The following EML4 variants were observed in gnomAD, a reference collection of about 807,000 sequenced individuals.
EML4 encodes echinoderm microtubule-associated protein-like 4.
In EML4, 72 loss-of-function variants were observed where a neutral mutation model predicts 129.0. That is an observed-to-expected ratio of 0.56 (90% CI 0.46 to 0.68). EML4 has a LOEUF of 0.68. Among genes scored for constraint, EML4 ranks in the 30% least tolerant of loss-of-function variants. The probability of loss-of-function intolerance (pLI) is 0.00; values close to 1 mark genes in which losing one functional copy is unlikely to be tolerated. For missense variants in EML4, 1,363 were observed against 1,190.6 expected, an observed-to-expected ratio of 1.14 and a Z score of -2.13; for synonymous variants, 532 against 405.0, an observed-to-expected ratio of 1.31 and a Z score of -3.77.
chr2:42,206,547 G>C (rs1027476221), intron 1 of EML4, among the ~76,000 whole-genome samples: 2 of 152,154 alleles, frequency 1.3e-5, no homozygotes, highest in African/African-American at 4.8e-5. Flanking sequence ...TTTATGTCTA[G>C]TCGTCTTGCC....
Position 42,295,484 on chromosome 2 carries a change from C to G in EML4, c.1457C>G (p.Thr486Ser), listed in dbSNP as rs1366906003. ...GGVMLIWSKT[T>S]VEPTPGKGPK... ...GTCATGCTTATATGGAGCAAAACTACTGTAGAGCCCACACCTGGGAAAGGA... is the reference window on the plus strand; with the variant it reads ...GTCATGCTTATATGGAGCAAAACTAGTGTAGAGCCCACACCTGGGAAAGGA... Residue 486 changes from threonine (T) to serine (S), a missense_variant, in exon 13 of 23, where the codon ACT becomes AGT. By Grantham distance (58) the Thr-to-Ser change is moderately conservative (BLOSUM62 1). Coordinates refer to ENST00000318522, the MANE Select transcript of EML4 (RefSeq NM_019063.5). The G allele has an allele frequency of 3.7e-6, 6 of 1,613,570 alleles. No individual in the cohort carries two copies. The highest frequency in any genetic ancestry group is 5.1e-6 in the Non-Finnish European group (6 of 1,179,860).
At chr2:42,216,644 G>C (rs1033122925) in intron 1 of EML4, among the ~76,000 whole-genome samples, 5 of 152,038 alleles carry the variant, frequency 3.3e-5, no homozygotes, top group Admixed American at 6.5e-5. Flanking sequence ...TATCTCTACA[G>C]TTGTTGCTAG....
chr2:42,174,719 G>C (rs1015442389), intron 1 of EML4, among the ~76,000 whole-genome samples: 2 of 152,114 alleles, frequency 1.3e-5, no homozygotes, highest in African/African-American at 2.4e-5. Flanking sequence ...CTTATTTACA[G>C]TTTACAAAGA....
chr2:42,282,928 G>A lies in EML4; in HGVS notation c.897G>A (p.Glu299=), dbSNP rs2103617192. Residue 299 remains glutamate, a synonymous_variant, in exon 8 of 23, where the codon GAG becomes GAA. Transcript: ENST00000318522. The stretch of plus-strand genomic sequence containing the variant: ...TAGTAGTACTATTTAATTATGAGGA[G>A]AGAACTCAGCGACACTACCTGGGCC... ...ASVVVLFNYE[E]RTQRHYLGHT... 1 of 1,613,608 alleles carries A rather than the reference G, an allele frequency of 6.2e-7. No homozygotes were observed. Among genetic ancestry groups the A allele is most frequent in the Non-Finnish European group, 8.5e-7 (1 of 1,179,600 alleles).
intron 1 of EML4, among the ~76,000 whole-genome samples, chr2:42,191,086 T>C (rs1366860632): frequency 1.3e-5 from 2 of 152,226 alleles, no homozygotes; most frequent in African/African-American, 4.8e-5. Flanking sequence ...GTGCATACTT[T>C]TTAAATTGAA....
rs1669304454 is a variant in EML4, at chr2:42,317,477, G to A, written c.2107G>A (p.Val703Ile). The change falls in exon 19 of 23, where the codon GTA becomes ATA. Residue 703 changes from valine (V) to isoleucine (I), a missense_variant. Coordinates refer to ENST00000318522, the MANE Select transcript of EML4 (RefSeq NM_019063.5). The stretch of plus-strand genomic sequence containing the variant: ...TCATGACAACTTTATTTACCTCTAT[G>A]TAGTCTCTGAAAATGGAAGAAAATA... ...GSHDNFIYLY[V>I]VSENGRKYSR... The A allele has an allele frequency of 1.2e-6, 2 of 1,613,014 alleles. No individual in the cohort carries two copies. Among genetic ancestry groups the A allele is most frequent in the Non-Finnish European group, 1.7e-6 (2 of 1,179,392 alleles).
At chr2:42,243,363 TACTTAAAATATAAAAATTTCTAAGGCG>T (rs1269181762) in intron 1 of EML4, among the ~76,000 whole-genome samples, 22 of 151,498 alleles carry the variant, frequency 1.5e-4, no homozygotes, top group Admixed American at 1.4e-3. Flanking sequence ...AAGTGAAAAA[TACTTAAAATATAAAAATTTCTAAGGCG>T]AGAGACTGAA....
In EML4 at chr2:42,306,484, C is replaced by CTTT. The variant is rs375707062; in HGVS notation, c.1967+1957_1967+1959dup. Among the ~76,000 whole-genome samples the CTTT allele has an allele frequency of 1.5e-3, 110 of 74,604 alleles. 5 individuals carry two copies. Among genetic ancestry groups the CTTT allele is most frequent in the Non-Finnish European group, 2.0e-3 (76 of 37,832 alleles). The allele number at this position is 74,604 out of a possible 152,430, so 48.9% of individuals were successfully genotyped here. ...GTGTCTGATGACCTTGTGCTAAATC[C>CTTT]TTTTTTTTTTTTTTTTTTTTTTTTT... On this transcript the variant is annotated intron_variant, in intron 17 of 22. Coordinates refer to ENST00000318522, the MANE Select transcript of EML4 (RefSeq NM_019063.5).
chr2:42,232,349 C>T (rs1455431932), intron 1 of EML4, among the ~76,000 whole-genome samples: 3 of 152,116 alleles, frequency 2.0e-5, no homozygotes, highest in Non-Finnish European at 2.9e-5. Context: ...TTTTGGCAGC[C>T]CTTCTAACCT....
Position 42,330,249 on chromosome 2 carries a change from G to C in EML4, c.*42G>C. 1 of 1,563,460 alleles carries C rather than the reference G, an allele frequency of 6.4e-7. No individual in the cohort carries two copies. The highest frequency in any genetic ancestry group is 8.8e-7 in the Non-Finnish European group (1 of 1,136,856). On this transcript the variant is annotated 3_prime_UTR_variant, in exon 23 of 23. Transcript: ENST00000318522. ...CAACTCTTTTCCTTCAGCTGCATGT[G>C]ATTTTGTGATAAAGTTCAGGTAACA...
chr2:42,179,256 G>A (rs1426740654), intron 1 of EML4, among the ~76,000 whole-genome samples: 1 of 126,160 alleles, frequency 7.9e-6, no homozygotes, highest in East Asian at 2.0e-4. Flanking sequence ...AAACGTCGGG[G>A]AGCTGGGTTT....
intron 1 of EML4, among the ~76,000 whole-genome samples, chr2:42,196,353 A>G (rs1401361924): frequency 6.6e-6 from 1 of 152,236 alleles, no homozygotes; most frequent in Non-Finnish European, 1.5e-5. Context: ...CTTATGGTAT[A>G]TATTGAGGTT....
At chr2:42,309,348 A>G (rs1054667470) in intron 17 of EML4, among the ~76,000 whole-genome samples, 1 of 151,354 alleles carries the variant, frequency 6.6e-6, no homozygotes. Flanking sequence ...TGTCAAGGCT[A>G]TCATAGTGAG....
At chr2:42,290,400 C>G (rs753600309) in intron 11 of EML4, among the ~76,000 whole-genome samples, 2 of 151,716 alleles carry the variant, frequency 1.3e-5, no homozygotes, top group Non-Finnish European at 2.9e-5. Context: ...CTTGTGGGAC[C>G]TCTCATGAAA....
At chr2:42,264,254 A>G (rs1665928293) in intron 5 of EML4, among the ~76,000 whole-genome samples, 1 of 151,844 alleles carries the variant, frequency 6.6e-6, no homozygotes, top group South Asian at 2.1e-4. Context: ...AGTTGGGACT[A>G]CAGACGCGTG....
At chr2:42,240,913 G>C (rs1012550519) in intron 1 of EML4, among the ~76,000 whole-genome samples, 1 of 152,154 alleles carries the variant, frequency 6.6e-6, no homozygotes. Context: ...GGCCAAGGCA[G>C]GCAGATAGAT....
At chr2:42,229,401 A>C (rs6705992) in intron 1 of EML4, among the ~76,000 whole-genome samples, 3,578 of 152,300 alleles carry the variant, frequency 0.023, 133 homozygotes, top group African/African-American at 0.082. Flanking sequence ...TAAATCCAGC[A>C]CTGTGCTCTT....
At chr2:42,215,169 C>T (rs966327456) in intron 1 of EML4, among the ~76,000 whole-genome samples, 2 of 152,200 alleles carry the variant, frequency 1.3e-5, no homozygotes, top group African/African-American at 4.8e-5. Flanking sequence ...AAGTGATCCT[C>T]ACACTGCAGC....
intron 13 of EML4, among the ~76,000 whole-genome samples, chr2:42,297,386 G>C (rs553861375): frequency 4.1e-4 from 63 of 152,248 alleles, no homozygotes; most frequent in African/African-American, 1.5e-3. Flanking sequence ...TTGTGTTCAG[G>C]TTGGGGACAG....
Sources: allele counts gnomAD v4.1 joint callset (sites outside exome capture counted in the v4.1 genomes callset), GRCh38; gene constraint gnomAD v4.1.1; transcripts MANE v1.5; gene names NCBI Gene and HGNC (gene_info 2026-07-23, HGNC 2026-07-21).